The following TMTC2 variants were observed in gnomAD, a reference collection of about 807,000 sequenced individuals.
The protein encoded by TMTC2 is transmembrane O-mannosyltransferase targeting cadherins 2.
A neutral mutation model predicts 82.4 loss-of-function variants in TMTC2; 43 were observed. The observed-to-expected ratio is 0.52, with a 90% confidence interval of 0.41 to 0.67. The LOEUF (loss-of-function observed/expected upper bound fraction) is 0.67, where lower values mean the gene tolerates loss of function less well. Ranked by LOEUF, TMTC2 falls within the 30% of genes least tolerant of loss-of-function variation. The probability of loss-of-function intolerance (pLI) is 0.00; values close to 1 mark genes in which losing one functional copy is unlikely to be tolerated. For missense variants in TMTC2, 919 were observed against 1,012.4 expected (o/e 0.91, Z 1.25); for synonymous variants, 408 against 381.9 (o/e 1.07, Z -0.80).
rs565812180 is a variant in TMTC2 at position 82,736,240 on chromosome 12, A to G, written c.83+48571A>G. Among the ~76,000 whole-genome samples, 7 of 152,302 alleles carry G rather than the reference A, an allele frequency of 4.6e-5. No homozygotes were observed. In the South Asian group the frequency reaches 1.5e-3, roughly 32 times the overall value. ...AAGTATTATTTTAGGTTAACATCCT[A>G]GCATTCTTCTCAATAGTTCTTTAGA... On this transcript the variant is annotated intron_variant, in intron 1 of 11. Transcript: ENST00000321196.
chr12:82,719,085 A>ATATATATATATTTTTT (rs1282211374), intron 1 of TMTC2, among the ~76,000 whole-genome samples: 2 of 41,414 alleles, frequency 4.8e-5, no homozygotes, highest in African/African-American at 2.3e-4. Flanking sequence ...ATATATATAT[A>ATATATATATATTTTTT]TTTTTTTTTT....
At chr12:82,927,296 G>T (rs2137237934) in intron 3 of TMTC2, among the ~76,000 whole-genome samples, 1 of 152,324 alleles carries the variant, frequency 6.6e-6, no homozygotes, top group South Asian at 2.1e-4. Context: ...AGACTGCAGT[G>T]GAGGAACAAA....
At position 82,997,378 on chromosome 12, in the gene TMTC2, A is replaced by ATGTG. The variant is rs1338828230; in HGVS notation, c.2070+11333_2070+11334insGTGT. Among the ~76,000 whole-genome samples the ATGTG allele has an allele frequency of 3.7e-3, 273 of 73,712 alleles. 4 individuals carry two copies. The highest frequency in any genetic ancestry group is 0.014 in the African/African-American group (262 of 19,120). The allele number at this position is 73,712 out of a possible 152,430, so 48.4% of individuals were successfully genotyped here. ...TATATATATATATGTGTATATATAT[A>ATGTG]TATGTGTATATATATATGTGTATAT... On this transcript the variant is annotated intron_variant, in intron 8 of 11. Transcript: ENST00000321196.
intron 11 of TMTC2, among the ~76,000 whole-genome samples, chr12:83,122,927 C>T (rs952731722): frequency 6.6e-6 from 1 of 152,146 alleles, no homozygotes; most frequent in Non-Finnish European, 1.5e-5. Context: ...TCAAGAAACC[C>T]AGCTTTGAAA....
In TMTC2 at chr12:82,944,110, G is replaced by C. The variant is rs1043795084; in HGVS notation, c.1598+13565G>C. Among the ~76,000 whole-genome samples, 3 of 152,284 alleles carry C rather than the reference G, an allele frequency of 2.0e-5. No homozygotes were observed. The East Asian group carries it at 5.8e-4, about 29-fold the overall frequency. On this transcript the variant is annotated intron_variant, in intron 4 of 11. Coordinates refer to ENST00000321196, the MANE Select transcript of TMTC2 (RefSeq NM_152588.3). ...CTATTGAACATCCAGTGGGCAACTG[G>C]AATGTGTTTCCATAGTTCATGAGAG...
chr12:82,998,610 C>G (rs1240996788), intron 8 of TMTC2, among the ~76,000 whole-genome samples: 1 of 151,920 alleles, frequency 6.6e-6, no homozygotes, highest in Non-Finnish European at 1.5e-5. Context: ...AAATCTTTTC[C>G]TCACATATCT....
intron 10 of TMTC2, 126 bp from the exon 11 acceptor site, chr12:83,061,642 C>A: frequency 1.5e-6 from 1 of 682,262 alleles, no homozygotes; most frequent in Non-Finnish European, 2.3e-6. Flanking sequence ...TCTTTTTCTG[C>A]TTGGGCAATT....
At chr12:82,895,464 A>C (rs1873611652) in intron 2 of TMTC2, among the ~76,000 whole-genome samples, 1 of 152,228 alleles carries the variant, frequency 6.6e-6, no homozygotes, top group Admixed American at 6.5e-5. Flanking sequence ...TAAGTACTGT[A>C]CATTGTGGTC....
At chr12:83,112,852 G>GT (rs1460752975) in intron 11 of TMTC2, among the ~76,000 whole-genome samples, 1 of 152,188 alleles carries the variant, frequency 6.6e-6, no homozygotes, top group East Asian at 1.9e-4. Context: ...ACAAAAGTAT[G>GT]TTTTTTGAGT....
chr12:82,934,386 C>G (rs372999589), intron 4 of TMTC2, among the ~76,000 whole-genome samples: 2 of 152,026 alleles, frequency 1.3e-5, no homozygotes, highest in Non-Finnish European at 2.9e-5. Flanking sequence ...CCTAGCCCCC[C>G]ACCCCTTGAC....
intron 3 of TMTC2, among the ~76,000 whole-genome samples, chr12:82,923,818 A>G (rs1336396027): frequency 1.3e-5 from 2 of 152,188 alleles, no homozygotes; most frequent in African/African-American, 2.4e-5. Flanking sequence ...AAATTGCCCC[A>G]TCCATGAGCC....
intron 11 of TMTC2, among the ~76,000 whole-genome samples, chr12:83,075,224 G>A (rs191790115): frequency 2.6e-5 from 4 of 152,256 alleles, no homozygotes; most frequent in Admixed American, 2.0e-4. Context: ...CAGTACTTGG[G>A]GTGTCTCCCA....
intron 1 of TMTC2, among the ~76,000 whole-genome samples, chr12:82,836,838 C>T (rs1391000193): frequency 2.6e-5 from 4 of 151,172 alleles, no homozygotes; most frequent in African/African-American, 7.3e-5. Context: ...AAAAAAAAAA[C>T]AAAAGACAAT....
At chr12:82,901,369 A>C (rs1874012898) in intron 3 of TMTC2, among the ~76,000 whole-genome samples, 4 of 142,098 alleles carry the variant, frequency 2.8e-5, no homozygotes, top group Non-Finnish European at 6.0e-5. Context: ...CAGTGGTGCG[A>C]TCTTGGCTCA....
chr12:82,839,158 G>T (rs372346183), intron 1 of TMTC2, among the ~76,000 whole-genome samples: 1 of 152,094 alleles, frequency 6.6e-6, no homozygotes, highest in Non-Finnish European at 1.5e-5. Context: ...TGGTAAATGC[G>T]CTTAGAGAGT....
intron 8 of TMTC2, among the ~76,000 whole-genome samples, chr12:83,007,819 A>G (rs1298644826): frequency 6.6e-6 from 1 of 152,176 alleles, no homozygotes; most frequent in South Asian, 2.1e-4. Flanking sequence ...GTCTGCTCAT[A>G]ATAAATTCCC....
chr12:82,873,212 GTTGT>G (rs1872297716), intron 2 of TMTC2, among the ~76,000 whole-genome samples: 1 of 104,504 alleles, frequency 9.6e-6, no homozygotes, highest in Non-Finnish European at 1.7e-5. Context: ...TTTCAAAGAT[GTTGT>G]GTGTGTGTGT....
intron 1 of TMTC2, among the ~76,000 whole-genome samples, chr12:82,774,167 A>C (rs1369391986): frequency 6.6e-6 from 1 of 152,160 alleles, no homozygotes; most frequent in African/African-American, 2.4e-5. Context: ...ATATGTATAC[A>C]TATACGCACA....
chr12:82,895,594 A>G (rs1265722861), intron 2 of TMTC2, among the ~76,000 whole-genome samples: 1 of 152,148 alleles, frequency 6.6e-6, no homozygotes, highest in Non-Finnish European at 1.5e-5. Context: ...AAGAAAAGAT[A>G]ATCAAAAAAT....
Sources: allele counts gnomAD v4.1 joint callset (sites outside exome capture counted in the v4.1 genomes callset), GRCh38; gene constraint gnomAD v4.1.1; transcripts MANE v1.5; gene names NCBI Gene and HGNC (gene_info 2026-07-23, HGNC 2026-07-21).